PIAS2: variants seen among roughly 807,000 people sequenced by gnomAD.
PIAS2 encodes protein inhibitor of activated STAT 2, also known as E3 SUMO-protein ligase PIAS2.
In PIAS2, 19 loss-of-function variants were observed where a neutral mutation model predicts 69.7. The observed-to-expected ratio is 0.27, with a 90% CI of 0.19 to 0.40. PIAS2 has a LOEUF of 0.40. Among genes scored for constraint, PIAS2 ranks in the 10% least tolerant of loss-of-function variants. The pLI is 1.00. For missense variants in PIAS2, 624 were observed against 757.0 expected (o/e 0.82, Z 2.06); for synonymous variants, 261 against 263.2 (o/e 0.99, Z 0.08).
intron 2 of PIAS2, among the ~76,000 whole-genome samples, chr18:46,869,476 T>A (rs1025962587): frequency 6.6e-6 from 1 of 151,972 alleles, no homozygotes; most frequent in African/African-American, 2.4e-5. Flanking sequence ...AAATCTCTAA[T>A]ATAAGGAGGG....
intron 8 of PIAS2, among the ~76,000 whole-genome samples, chr18:46,836,948 C>T (rs2044522569): frequency 6.6e-6 from 1 of 152,144 alleles, no homozygotes; most frequent in African/African-American, 2.4e-5. Context: ...TGTCATATAA[C>T]TTGGTGACTA....
At position 46,805,452 on chromosome 18, in the gene PIAS2, CA is replaced by C. The variant is rs1484871310; in HGVS notation, c.*6980del. 6.6e-6 allele frequency: 1 copy of C among 152,192 alleles called. No homozygotes were observed. Among genetic ancestry groups the C allele is most frequent in the African/African-American group, 2.4e-5 (1 of 41,428 alleles). 9.4% of individuals were successfully genotyped at this position (152,192 alleles called of 1,614,324 possible). A position where few individuals can be genotyped will look rare whatever the true frequency, so the allele number is the denominator to read the frequency against. ...CAGCAAATCAAAGGGAATGATCAGG[CA>C]GTTATAAGACTAGAGGTAGCTGATA... On this transcript the variant is annotated 3_prime_UTR_variant, in exon 14 of 14. Transcript: ENST00000585916.
At chr18:46,863,667 T>C (rs1400472511) in intron 3 of PIAS2, among the ~76,000 whole-genome samples, 1 of 152,218 alleles carries the variant, frequency 6.6e-6, no homozygotes, top group East Asian at 1.9e-4. Context: ...GAGGTTTTAT[T>C]CAAAGGTTAA....
intron 8 of PIAS2, among the ~76,000 whole-genome samples, chr18:46,837,001 G>T (rs751671403): frequency 2.0e-5 from 3 of 152,066 alleles, no homozygotes; most frequent in Non-Finnish European, 4.4e-5. Flanking sequence ...TTATATGAAG[G>T]TATCATAATT....
chr18:46,821,794 T>C (rs2144813322), intron 11 of PIAS2, among the ~76,000 whole-genome samples: 1 of 152,322 alleles, frequency 6.6e-6, no homozygotes, highest in South Asian at 2.1e-4. Flanking sequence ...ATGTAATAAA[T>C]ACTTCACAAT....
chr18:46,841,994 C>G (rs2045467254), intron 8 of PIAS2, among the ~76,000 whole-genome samples: 1 of 151,896 alleles, frequency 6.6e-6, no homozygotes, highest in South Asian at 2.1e-4. Flanking sequence ...TTTGGGAGGC[C>G]AAGATGGGCA....
Position 46,815,366 on chromosome 18 carries a change from T to C in PIAS2, c.1649-17A>G. 6.2e-7 allele frequency: 1 copy of C among 1,610,530 alleles called. No homozygotes were observed. The highest frequency in any genetic ancestry group is 1.7e-4 in the Middle Eastern group (1 of 6,028). ...AATCCAAACCTAAAACAAAAATGCTTTGTTAATAGTTGTCTCATATTTTGG... is the reference window on the plus strand; with the variant it reads ...AATCCAAACCTAAAACAAAAATGCTCTGTTAATAGTTGTCTCATATTTTGG... On this transcript the variant is annotated splice_polypyrimidine_tract_variant and intron_variant, in intron 12 of 13. Transcript: ENST00000585916.
At chr18:46,904,519 G>C (rs926226821) in intron 1 of PIAS2, among the ~76,000 whole-genome samples, 13 of 152,110 alleles carry the variant, frequency 8.5e-5, no homozygotes, top group Non-Finnish European at 1.6e-4. Flanking sequence ...GAGAGGCCCA[G>C]GTGGGCAGAT....
At chr18:46,891,599 A>G (rs187251985) in intron 1 of PIAS2, 1 of 654,496 alleles carries the variant, frequency 1.5e-6, no homozygotes, top group Admixed American at 6.3e-5. Flanking sequence ...AACAAACAAC[A>G]TAATAAAGAT....
intron 1 of PIAS2, among the ~76,000 whole-genome samples, chr18:46,913,238 T>A (rs539460269): frequency 6.6e-6 from 1 of 152,312 alleles, no homozygotes; most frequent in East Asian, 1.9e-4. Context: ...CTTGAAGTTA[T>A]CAGGATGGTG....
At chr18:46,883,185 G>T (rs764149247) in intron 2 of PIAS2, among the ~76,000 whole-genome samples, 8 of 151,500 alleles carry the variant, frequency 5.3e-5, no homozygotes, top group Non-Finnish European at 8.8e-5. Context: ...TATGACTCTA[G>T]CTGAGCAATG....
intron 1 of PIAS2, among the ~76,000 whole-genome samples, chr18:46,916,089 A>C (rs191035187): frequency 6.0e-4 from 92 of 152,288 alleles, no homozygotes; most frequent in Non-Finnish European, 1.0e-3. Flanking sequence ...AACATGTATT[A>C]ATATGTGTTT....
chr18:46,912,910 TGTGACATCAG>T (rs1299045320), intron 1 of PIAS2, among the ~76,000 whole-genome samples: 4 of 152,164 alleles, frequency 2.6e-5, no homozygotes, highest in African/African-American at 9.7e-5. Context: ...GAATAAAAAA[TGTGACATCAG>T]GTGATCCACC....
At chr18:46,818,518 T>C in intron 12 of PIAS2, 5 of 1,338,932 alleles carry the variant, frequency 3.7e-6, no homozygotes, top group Non-Finnish European at 4.9e-6. Context: ...AACTTTGTTA[T>C]CTCTCCATTC....
intron 1 of PIAS2, chr18:46,891,522 A>G (rs2054075429): frequency 1.0e-5 from 2 of 191,930 alleles, no homozygotes; most frequent in East Asian, 3.7e-4. Context: ...TAGTAAATCC[A>G]TAAAAATCAA....
chr18:46,816,287 T>G lies in PIAS2; in HGVS notation c.1649-938A>C, dbSNP rs971713416. 6 of 957,082 alleles carry G rather than the reference T, an allele frequency of 6.3e-6. No homozygotes were observed. The African/African-American group carries it at 1.1e-4, about 17-fold the overall frequency. The allele number at this position is 957,082 out of a possible 1,614,324, so 59.3% of individuals were successfully genotyped here. ...AAAATAGAGAATATCAGTGGGTACA[T>G]TTAAAATATCTACTAACCAGTATGA... On this transcript the variant is annotated intron_variant, in intron 12 of 13. Coordinates refer to ENST00000585916, the MANE Select transcript of PIAS2 (RefSeq NM_004671.5).
chr18:46,863,125 T>C (rs907794357), intron 3 of PIAS2, among the ~76,000 whole-genome samples: 4 of 152,232 alleles, frequency 2.6e-5, no homozygotes, highest in African/African-American at 9.6e-5. Flanking sequence ...CATAATTGTT[T>C]TCATATATCT....
At chr18:46,890,272 T>C (rs1469247973) in intron 2 of PIAS2, among the ~76,000 whole-genome samples, 1 of 152,236 alleles carries the variant, frequency 6.6e-6, no homozygotes, top group African/African-American at 2.4e-5. Context: ...ATGGCAGTGA[T>C]GGCTGCACAA....
chr18:46,845,072 G>C (rs932462284), intron 6 of PIAS2: 7 of 285,470 alleles, frequency 2.5e-5, no homozygotes, highest in Non-Finnish European at 3.2e-5. Flanking sequence ...AACATTCGCT[G>C]GTATGGGAAT....
Sources: allele counts gnomAD v4.1 joint callset (sites outside exome capture counted in the v4.1 genomes callset), GRCh38; gene constraint gnomAD v4.1.1; transcripts MANE v1.5; gene names NCBI Gene and HGNC (gene_info 2026-07-23, HGNC 2026-07-21).